The following ERBB4 variants were observed in gnomAD, a reference collection of about 807,000 sequenced individuals.
The protein encoded by ERBB4 is erb-b2 receptor tyrosine kinase 4.
A neutral mutation model predicts 158.0 loss-of-function variants in ERBB4; 42 were observed. The ratio of observed to expected loss-of-function variants is 0.27; its 90% CI spans 0.21 to 0.34. ERBB4 has a LOEUF of 0.34. Among genes scored for constraint, ERBB4 ranks in the 10% least tolerant of loss-of-function variants. The probability of loss-of-function intolerance (pLI) is 1.00; values close to 1 mark genes in which losing one functional copy is unlikely to be tolerated. For synonymous variants in ERBB4, 583 were observed against 558.7 expected, an observed-to-expected ratio of 1.04 and a Z score of -0.61; for missense variants, 1,333 against 1,624.1, an observed-to-expected ratio of 0.82 and a Z score of 3.08.
chr2:211,569,955 C>G (rs943542015), intron 19 of ERBB4, among the ~76,000 whole-genome samples: 4 of 152,158 alleles, frequency 2.6e-5, no homozygotes, highest in African/African-American at 9.7e-5. Flanking sequence ...TTGCCAATAT[C>G]ATATAATTTT....
At chr2:212,174,239 T>A (rs1221826376) in intron 1 of ERBB4, among the ~76,000 whole-genome samples, 1 of 152,118 alleles carries the variant, frequency 6.6e-6, no homozygotes, top group Non-Finnish European at 1.5e-5. Context: ...TTATGATTTT[T>A]CAGCTTAATG....
In ERBB4 at chr2:211,702,179, A is replaced by G. The variant is rs1228203427; in HGVS notation, c.1290-13T>C. ...CAAGGACAGGCCACTAAGGAGGGGG[A>G]AGTGAGAAAACGGAACCATGAAACG... On this transcript the variant is annotated splice_polypyrimidine_tract_variant and intron_variant, in intron 11 of 27. Transcript: ENST00000342788. 1.1e-5 allele frequency: 17 copies of G among 1,609,616 alleles called. No homozygotes were observed. The Admixed American group carries it at 2.8e-4, about 27-fold the overall frequency.
intron 3 of ERBB4, among the ~76,000 whole-genome samples, chr2:211,934,631 C>A (rs1406506907): frequency 6.6e-6 from 1 of 151,772 alleles, no homozygotes; most frequent in Non-Finnish European, 1.5e-5. Flanking sequence ...GAAGACATCA[C>A]CCCATGAGTA....
intron 1 of ERBB4, among the ~76,000 whole-genome samples, chr2:212,218,790 T>A (rs549091185): frequency 2.5e-4 from 38 of 151,532 alleles, no homozygotes; most frequent in African/African-American, 9.2e-4. Context: ...TTTGTGTGCA[T>A]CAGAAAGATG....
Position 211,384,055 on chromosome 2 carries a change from G to C in ERBB4, c.3487C>G (p.Leu1163Val). Residue 1163 changes from leucine to valine, a missense_variant, in exon 28 of 28, where the codon CTG (leucine) becomes GTG (valine). Leu to Val is a conservative substitution (Grantham distance 32). Transcript: ENST00000342788. ...PMRDKPKQEY[L>V]NPVEENPFVS... ...AAAGGGTTCTCCTCCACTGGATTCA[G>C]GTATTCTAAAGGAATAAAAAAATAT... is the stretch of plus-strand genomic sequence containing the variant. The C allele has an allele frequency of 1.2e-6, 2 of 1,611,180 alleles. No individual in the cohort carries two copies. The highest frequency in any genetic ancestry group is 1.7e-6 in the Non-Finnish European group (2 of 1,177,624).
At chr2:211,857,113 T>C (rs2077887197) in intron 3 of ERBB4, among the ~76,000 whole-genome samples, 1 of 152,040 alleles carries the variant, frequency 6.6e-6, no homozygotes, top group African/African-American at 2.4e-5. Context: ...CTACATTTTA[T>C]TCTGAGTTTT....
At chr2:211,498,868 T>C (rs2065542912) in intron 20 of ERBB4, among the ~76,000 whole-genome samples, 3 of 152,138 alleles carry the variant, frequency 2.0e-5, no homozygotes. Context: ...AAACCATTAT[T>C]AGTGGCACAA....
intron 20 of ERBB4, among the ~76,000 whole-genome samples, chr2:211,476,012 T>TA (rs1229945008): frequency 1.3e-5 from 2 of 152,010 alleles, no homozygotes; most frequent in East Asian, 3.9e-4. Context: ...GGCAAAATAT[T>TA]ACGATCACCA....
At chr2:211,506,961 T>C (rs2065767177) in intron 20 of ERBB4, among the ~76,000 whole-genome samples, 1 of 152,206 alleles carries the variant, frequency 6.6e-6, no homozygotes, top group African/African-American at 2.4e-5. Context: ...ATGAAGTCAT[T>C]AGACTGCTAG....
intron 1 of ERBB4, among the ~76,000 whole-genome samples, chr2:212,384,124 T>C (rs2090597930): frequency 6.6e-6 from 1 of 151,678 alleles, no homozygotes; most frequent in African/African-American, 2.4e-5. Context: ...CTACAAACTC[T>C]TAATAAGCAC....
At chr2:211,935,222 A>G (rs773444428) in intron 3 of ERBB4, among the ~76,000 whole-genome samples, 6 of 152,160 alleles carry the variant, frequency 3.9e-5, no homozygotes, top group Non-Finnish European at 8.8e-5. Flanking sequence ...ACCTACAGTG[A>G]TGGTTAACTT....
At chr2:212,143,850 T>C (rs2080569722) in intron 1 of ERBB4, among the ~76,000 whole-genome samples, 1 of 151,666 alleles carries the variant, frequency 6.6e-6, no homozygotes, top group African/African-American at 2.4e-5. Flanking sequence ...AGCCCATCTC[T>C]ACTGAAAAAA....
chr2:211,839,225 G>C (rs914173153), intron 3 of ERBB4, among the ~76,000 whole-genome samples: 1 of 150,210 alleles, frequency 6.7e-6, no homozygotes, highest in East Asian at 2.0e-4. Flanking sequence ...GAGAGAAAGA[G>C]AGAAAGAAGA....
At position 211,423,513 on chromosome 2, in the gene ERBB4, C is replaced by G. The variant is rs938433774; in HGVS notation, c.2866+642G>C. Among the ~76,000 whole-genome samples, 3 of 151,792 alleles carry G rather than the reference C, an allele frequency of 2.0e-5. 1 individual carries two copies. The highest frequency in any genetic ancestry group is 4.8e-5 in the African/African-American group (2 of 41,372). Reference sequence around the variant, plus strand: ...TCCTCAATTCTATTTAAATTAAGGGCCTGTGCTTCAAAAACACATTTATAA... The same window carrying G: ...TCCTCAATTCTATTTAAATTAAGGGGCTGTGCTTCAAAAACACATTTATAA... On this transcript the variant is annotated intron_variant, in intron 23 of 27. Coordinates refer to ENST00000342788, the MANE Select transcript of ERBB4 (RefSeq NM_005235.3).
chr2:212,034,964 T>A (rs951694770), intron 2 of ERBB4, among the ~76,000 whole-genome samples: 1 of 152,198 alleles, frequency 6.6e-6, no homozygotes, highest in Admixed American at 6.5e-5. Flanking sequence ...TAGGTTATGT[T>A]AATTCCTTGC....
In ERBB4 at chr2:211,666,632, C is replaced by T. The variant is rs563081944; in HGVS notation, c.1717-1155G>A. On this transcript the variant is annotated intron_variant, in intron 14 of 27. Coordinates refer to ENST00000342788, the MANE Select transcript of ERBB4 (RefSeq NM_005235.3). ...TGCTATCTTTCTTAAAAGACTTCCC[C>T]GATGCTTTCATACATTCAGCTGTTC... is the stretch of plus-strand genomic sequence containing the variant. Among the ~76,000 whole-genome samples the T allele has an allele frequency of 4.6e-5, 7 of 152,182 alleles. No homozygotes were observed. The South Asian group carries it at 6.2e-4, about 14-fold the overall frequency.
At chr2:211,395,837 T>G (rs962829685) in intron 25 of ERBB4, among the ~76,000 whole-genome samples, 1 of 152,088 alleles carries the variant, frequency 6.6e-6, no homozygotes, top group Non-Finnish European at 1.5e-5. Context: ...GATATACACA[T>G]ACATGCTTAT....
At chr2:211,889,694 T>C (rs1282815846) in intron 3 of ERBB4, among the ~76,000 whole-genome samples, 1 of 144,444 alleles carries the variant, frequency 6.9e-6, no homozygotes. Context: ...GAATAACCAA[T>C]ACAGAGAAGT....
intron 1 of ERBB4, among the ~76,000 whole-genome samples, chr2:212,307,852 A>G (rs1236994034): frequency 6.6e-6 from 1 of 150,900 alleles, no homozygotes; most frequent in Non-Finnish European, 1.5e-5. Flanking sequence ...AGGCCACCAC[A>G]CTTTATTTCA....
Sources: gnomAD v4.1 joint callset for allele counts (sites outside exome capture counted in the v4.1 genomes callset) on GRCh38, gnomAD v4.1.1 for gene constraint, MANE v1.5 for transcripts, NCBI Gene and HGNC (gene_info 2026-07-23, HGNC 2026-07-21) for gene names.